The following SKAP1 variants were observed in gnomAD, a reference collection of about 807,000 sequenced individuals.
SKAP1 encodes the protein src kinase-associated phosphoprotein 1.
SKAP1 carries 44 observed loss-of-function variants against 58.5 expected under a neutral mutation model. The ratio of observed to expected loss-of-function variants is 0.75; its 90% confidence interval spans 0.59 to 0.97. The LOEUF (loss-of-function observed/expected upper bound fraction) is 0.97. Ranked by LOEUF, SKAP1 falls within the 50% of genes least tolerant of loss-of-function variation. SKAP1 has a pLI of 0.00. For synonymous variants in SKAP1, 127 were observed against 149.7 expected, an observed-to-expected ratio of 0.85 and a Z score of 1.11; for missense variants, 390 against 435.2, an observed-to-expected ratio of 0.90 and a Z score of 0.92.
intron 4 of SKAP1, among the ~76,000 whole-genome samples, chr17:48,318,421 GA>G (rs1305208733): frequency 6.6e-6 from 1 of 152,158 alleles, no homozygotes; most frequent in Non-Finnish European, 1.5e-5. Flanking sequence ...CATCAAGACT[GA>G]TATTTTCATT....
intron 1 of SKAP1, among the ~76,000 whole-genome samples, chr17:48,423,794 T>C (rs533527628): frequency 8.4e-4 from 128 of 152,268 alleles, no homozygotes; most frequent in African/African-American, 2.9e-3. Context: ...TCTCACTACA[T>C]TACCCAGGCT....
intron 4 of SKAP1, among the ~76,000 whole-genome samples, chr17:48,192,542 C>T (rs1471098182): frequency 6.6e-6 from 1 of 152,008 alleles, no homozygotes; most frequent in East Asian, 1.9e-4. Flanking sequence ...GCTCACTGAT[C>T]CTGCTGGCAG....
In SKAP1 at chr17:48,170,649, A is replaced by G. The variant is rs542400447; in HGVS notation, c.837T>C (p.His279=). Residue 279 remains histidine (H), a synonymous_variant, in exon 10 of 13, where the codon CAT becomes CAC. Coordinates refer to ENST00000336915, the MANE Select transcript of SKAP1 (RefSeq NM_003726.4). ...TGCCACTCTCATCCTCTTCTAGATCATGCTCTTCATCTGGGGGGATAAATG... is the reference window on the plus strand; with the variant it reads ...TGCCACTCTCATCCTCTTCTAGATCGTGCTCTTCATCTGGGGGGATAAATG... The part of the protein sequence containing the change: ...DIYEVLPDEE[H]DLEEDESGTR... The G allele has an allele frequency of 6.2e-7, 1 of 1,612,882 alleles. No individual in the cohort carries two copies. The highest frequency in any genetic ancestry group is 8.5e-7 in the Non-Finnish European group (1 of 1,179,670).
intron 1 of SKAP1, among the ~76,000 whole-genome samples, chr17:48,414,991 T>A (rs2067714233): frequency 6.6e-6 from 1 of 152,216 alleles, no homozygotes; most frequent in Non-Finnish European, 1.5e-5. Flanking sequence ...GTTTTCTAAG[T>A]AATGCTCCTA....
chr17:48,364,456 C>T (rs2066976998), intron 2 of SKAP1, among the ~76,000 whole-genome samples: 1 of 152,198 alleles, frequency 6.6e-6, no homozygotes, highest in South Asian at 2.1e-4. Context: ...GCAGGCAGAT[C>T]ATGAGGTCAG....
At chr17:48,425,649 T>C (rs2067847518) in intron 1 of SKAP1, among the ~76,000 whole-genome samples, 1 of 152,140 alleles carries the variant, frequency 6.6e-6, no homozygotes. Context: ...CTTAAAGGTG[T>C]GGGTACTTTG....
intron 4 of SKAP1, among the ~76,000 whole-genome samples, chr17:48,341,354 T>C (rs1028216082): frequency 6.6e-6 from 1 of 152,190 alleles, no homozygotes; most frequent in Non-Finnish European, 1.5e-5. Context: ...AATAGATTCA[T>C]ATCTAATGCT....
At chr17:48,139,038 G>A (rs1024252686) in intron 11 of SKAP1, among the ~76,000 whole-genome samples, 4 of 150,372 alleles carry the variant, frequency 2.7e-5, no homozygotes, top group East Asian at 2.0e-4. Context: ...ACAGGCTTGC[G>A]CCCAGCTAAT....
At chr17:48,209,892 T>G (rs2143665360) in intron 4 of SKAP1, among the ~76,000 whole-genome samples, 1 of 152,336 alleles carries the variant, frequency 6.6e-6, no homozygotes, top group East Asian at 1.9e-4. Context: ...CAAAATATCT[T>G]TTCAACTGAC....
intron 1 of SKAP1, among the ~76,000 whole-genome samples, chr17:48,416,368 T>C (rs984909885): frequency 1.3e-5 from 2 of 152,088 alleles, no homozygotes; most frequent in Non-Finnish European, 2.9e-5. Flanking sequence ...AAAAGGTTTG[T>C]TGGGTTTGTG....
At chr17:48,174,689 T>C (rs1191252081) in intron 9 of SKAP1, among the ~76,000 whole-genome samples, 1 of 152,230 alleles carries the variant, frequency 6.6e-6, no homozygotes. Flanking sequence ...TGAATTTCTT[T>C]ATAAGAATAT....
intron 11 of SKAP1, among the ~76,000 whole-genome samples, chr17:48,157,259 G>A (rs35738964): frequency 0.027 from 4,109 of 150,854 alleles, 75 homozygotes; most frequent in African/African-American, 0.036. Flanking sequence ...TTTTTGAGAC[G>A]GAGTCTCGCT....
chr17:48,295,507 T>C (rs992799855), intron 4 of SKAP1: 3 of 152,140 alleles, frequency 2.0e-5, no homozygotes, highest in Non-Finnish European at 2.9e-5. Context: ...TTAAAGATAC[T>C]TTTTTTCTTT....
chr17:48,395,223 A>G (rs1417564209), intron 2 of SKAP1, among the ~76,000 whole-genome samples: 8 of 152,206 alleles, frequency 5.3e-5, no homozygotes, highest in Non-Finnish European at 7.3e-5. Flanking sequence ...GACAGTAATG[A>G]GTTACCGTAA....
chr17:48,267,642 C>T (rs2065570453), intron 4 of SKAP1, among the ~76,000 whole-genome samples: 1 of 152,066 alleles, frequency 6.6e-6, no homozygotes, highest in East Asian at 1.9e-4. Context: ...GTTTAATTTG[C>T]TACTATTAAA....
intron 6 of SKAP1, among the ~76,000 whole-genome samples, chr17:48,185,344 TG>T (rs2143491485): frequency 6.6e-6 from 1 of 152,190 alleles, no homozygotes; most frequent in East Asian, 1.9e-4. Flanking sequence ...GCTGGTCAGG[TG>T]GGAATTTATG....
intron 4 of SKAP1, among the ~76,000 whole-genome samples, chr17:48,314,211 G>A (rs532069870): frequency 4.0e-4 from 61 of 152,232 alleles, no homozygotes; most frequent in African/African-American, 1.4e-3. Flanking sequence ...ATATACAGGG[G>A]CATCATGTTC....
At chr17:48,249,689 C>G (rs1044755398) in intron 4 of SKAP1, among the ~76,000 whole-genome samples, 3 of 151,680 alleles carry the variant, frequency 2.0e-5, no homozygotes, top group Non-Finnish European at 2.9e-5. Context: ...AACCCGGAAG[C>G]CCCCCGCAAA....
chr17:48,226,763 T>C (rs371698911), intron 4 of SKAP1, among the ~76,000 whole-genome samples: 1 of 152,138 alleles, frequency 6.6e-6, no homozygotes, highest in Admixed American at 6.6e-5. Context: ...ATTTTGGTGG[T>C]TTTGATCTTG....
Sources: allele counts gnomAD v4.1 joint callset (sites outside exome capture counted in the v4.1 genomes callset), GRCh38; gene constraint gnomAD v4.1.1; transcripts MANE v1.5; gene names NCBI Gene and HGNC (gene_info 2026-07-23, HGNC 2026-07-21).